STXBP5L: variants seen among roughly 807,000 people sequenced by gnomAD.
STXBP5L encodes the protein syntaxin binding protein 5L.
A neutral mutation model predicts 144.5 loss-of-function variants in STXBP5L; 65 were observed. The observed-to-expected ratio is 0.45, with a 90% CI of 0.37 to 0.55. The LOEUF (loss-of-function observed/expected upper bound fraction) is 0.55, where lower values mean the gene tolerates loss of function less well. STXBP5L is among the 20% of genes least tolerant of loss of function. The pLI is 0.00. For missense variants in STXBP5L, 1,298 were observed against 1,405.5 expected (o/e 0.92, Z 1.22); for synonymous variants, 505 against 469.6 (o/e 1.08, Z -0.97).
intron 20 of STXBP5L, among the ~76,000 whole-genome samples, chr3:121,322,793 C>A (rs1312939798): frequency 6.6e-6 from 1 of 152,130 alleles, no homozygotes; most frequent in Admixed American, 6.6e-5. Context: ...AGGGGCAGAA[C>A]TAATTTACAT....
chr3:121,312,678 C>T (rs1341020763), intron 19 of STXBP5L, among the ~76,000 whole-genome samples: 1 of 150,784 alleles, frequency 6.6e-6, no homozygotes, highest in Admixed American at 6.6e-5. Flanking sequence ...GAGCATGCTG[C>T]CTTCAAGCAT....
At chr3:121,103,358 A>G (rs1379957047) in intron 5 of STXBP5L, among the ~76,000 whole-genome samples, 1 of 152,202 alleles carries the variant, frequency 6.6e-6, no homozygotes, top group Non-Finnish European at 1.5e-5. Flanking sequence ...TTATGCAGCC[A>G]TAAAGAAAAT....
intron 3 of STXBP5L, among the ~76,000 whole-genome samples, chr3:120,957,375 C>T (rs1462619348): frequency 2.0e-5 from 3 of 151,830 alleles, no homozygotes; most frequent in African/African-American, 7.3e-5. Flanking sequence ...TCATGAATTC[C>T]TGAGATGATT....
rs1254850138 is a variant in STXBP5L, at chr3:121,419,684, G to T, written c.*587G>T. ...CTCATCTGTAACTTTCATTGTACTA[G>T]AACCTTATTGAATTCTTATGGCAAG... On this transcript the variant is annotated 3_prime_UTR_variant, in exon 27 of 27. Transcript: ENST00000471454. 6.6e-6 allele frequency: 1 copy of T among 152,168 alleles called. No homozygotes were observed. The highest frequency in any genetic ancestry group is 2.4e-5 in the African/African-American group (1 of 41,456). The allele number at this position is 152,168 out of a possible 1,614,324, so 9.4% of individuals were successfully genotyped here.
At chr3:120,968,246 G>A (rs2107780159) in intron 3 of STXBP5L, among the ~76,000 whole-genome samples, 1 of 152,102 alleles carries the variant, frequency 6.6e-6, no homozygotes, top group South Asian at 2.1e-4. Flanking sequence ...TCTCTCTTTA[G>A]GTCTGTTAAT....
chr3:121,039,230 G>A (rs1056375461), intron 3 of STXBP5L, among the ~76,000 whole-genome samples: 2 of 151,646 alleles, frequency 1.3e-5, no homozygotes, highest in African/African-American at 4.8e-5. Flanking sequence ...ATTTCATTTT[G>A]TCTCCTTCGT....
intron 10 of STXBP5L, among the ~76,000 whole-genome samples, chr3:121,209,896 G>A (rs1268344131): frequency 3.0e-4 from 46 of 152,100 alleles, no homozygotes; most frequent in South Asian, 6.2e-4. Flanking sequence ...TAAACATAAC[G>A]TGTGCATGTG....
chr3:121,106,737 A>G (rs150184704), intron 5 of STXBP5L, among the ~76,000 whole-genome samples: 10 of 152,286 alleles, frequency 6.6e-5, no homozygotes, highest in African/African-American at 1.4e-4. Context: ...AGAATGATTT[A>G]TATTCCTCTG....
chr3:121,272,802 G>A (rs1215400099), intron 18 of STXBP5L, among the ~76,000 whole-genome samples: 2 of 151,810 alleles, frequency 1.3e-5, no homozygotes, highest in East Asian at 1.9e-4. Context: ...TTACAACTAC[G>A]ATGAGGCTTA....
At chr3:121,329,354 G>T (rs564060488) in intron 20 of STXBP5L, among the ~76,000 whole-genome samples, 22 of 152,240 alleles carry the variant, frequency 1.4e-4, no homozygotes, top group Admixed American at 2.0e-4. Context: ...GTCTCTCCAG[G>T]TGCTTTAAGA....
intron 3 of STXBP5L, among the ~76,000 whole-genome samples, chr3:121,034,440 T>C (rs1348999971): frequency 6.6e-6 from 1 of 152,160 alleles, no homozygotes; most frequent in East Asian, 1.9e-4. Flanking sequence ...ATTCCATTTA[T>C]GTTGCTGCAA....
intron 6 of STXBP5L, among the ~76,000 whole-genome samples, chr3:121,121,183 C>T (rs1161445668): frequency 6.6e-6 from 1 of 151,156 alleles, no homozygotes; most frequent in Non-Finnish European, 1.5e-5. Flanking sequence ...TCAAAAGTGC[C>T]ACTGTACTTT....
chr3:121,010,594 C>T lies in STXBP5L; in HGVS notation c.288-31106C>T, dbSNP rs146292335. ...GGTTAGGGGAACTGATCTGCCACAC[C>T]GTCAAAAGCCTGTGTACAACTTTTG... On this transcript the variant is annotated intron_variant, in intron 3 of 26. Coordinates refer to ENST00000471454, the MANE Select transcript of STXBP5L (RefSeq NM_001308330.2). 3.3e-5 allele frequency among the ~76,000 whole-genome samples: 5 copies of T among 151,704 alleles called. No homozygotes were observed. The East Asian group carries it at 7.8e-4, about 24-fold the overall frequency.
At chr3:121,222,430 T>A (rs2049001743) in intron 10 of STXBP5L, among the ~76,000 whole-genome samples, 1 of 152,158 alleles carries the variant, frequency 6.6e-6, no homozygotes, top group African/African-American at 2.4e-5. Context: ...GCAATTTATC[T>A]TTGATTAGCT....
chr3:121,056,881 A>T (rs565671771), intron 5 of STXBP5L, among the ~76,000 whole-genome samples: 9 of 151,682 alleles, frequency 5.9e-5, no homozygotes, highest in African/African-American at 2.2e-4. Context: ...TATAGAGAGA[A>T]TATCATATTT....
chr3:120,974,577 C>T (rs183318240), intron 3 of STXBP5L, among the ~76,000 whole-genome samples: 27 of 152,140 alleles, frequency 1.8e-4, no homozygotes, highest in African/African-American at 5.3e-4. Flanking sequence ...TTGGCTTTTG[C>T]TGCCATTGCT....
intron 7 of STXBP5L, among the ~76,000 whole-genome samples, chr3:121,139,777 C>T (rs1204372149): frequency 2.0e-5 from 3 of 151,812 alleles, no homozygotes; most frequent in East Asian, 3.9e-4. Context: ...CAAAGGAAAC[C>T]GTACTTAGTA....
intron 19 of STXBP5L, among the ~76,000 whole-genome samples, chr3:121,299,215 C>A (rs1190125503): frequency 6.6e-6 from 1 of 152,162 alleles, no homozygotes; most frequent in Non-Finnish European, 1.5e-5. Context: ...GTATTACTAT[C>A]TTTTCCCACT....
chr3:121,278,422 A>G (rs1388568210), intron 18 of STXBP5L, among the ~76,000 whole-genome samples: 4 of 151,932 alleles, frequency 2.6e-5, no homozygotes, highest in African/African-American at 9.7e-5. Flanking sequence ...GACAAAAATA[A>G]TTATTTATGG....
Sources: allele counts gnomAD v4.1 joint callset (sites outside exome capture counted in the v4.1 genomes callset), GRCh38; gene constraint gnomAD v4.1.1; transcripts MANE v1.5; gene names NCBI Gene and HGNC (gene_info 2026-07-23, HGNC 2026-07-21).